The following SMCR8 variants were observed in gnomAD, a reference collection of about 807,000 sequenced individuals.
SMCR8 encodes the protein guanine nucleotide exchange protein SMCR8.
Under a neutral mutation model 56.6 loss-of-function variants are expected in SMCR8, and 30 were observed. The ratio of observed to expected loss-of-function variants is 0.53; its 90% confidence interval spans 0.40 to 0.72. The LOEUF (loss-of-function observed/expected upper bound fraction) is 0.72. Ranked by LOEUF, SMCR8 falls within the 30% of genes least tolerant of loss-of-function variation. SMCR8 has a pLI of 0.00. For missense variants in SMCR8, 1,198 were observed against 1,157.0 expected (o/e 1.04, Z -0.51); for synonymous variants, 538 against 456.0 (o/e 1.18, Z -2.29).
rs552475472 is a variant in SMCR8, at chr17:18,324,263, G to T, written c.*1193G>T. 6.6e-6 allele frequency: 1 copy of T among 152,160 alleles called. No individual in the cohort carries two copies. Among genetic ancestry groups the T allele is most frequent in the Non-Finnish European group, 1.5e-5 (1 of 68,056 alleles). The allele number at this position is 152,160 out of a possible 1,614,324, so 9.4% of individuals were successfully genotyped here. ...GTGCACCTCAGTCACCACAGCTCAC[G>T]GCCGTCCCCAGTTGAGTCCCCCTTC... On this transcript the variant is annotated 3_prime_UTR_variant, in exon 2 of 2. Coordinates refer to ENST00000406438, the MANE Select transcript of SMCR8 (RefSeq NM_144775.3).
At chr17:18,318,527 C>T (rs901384542) in intron 1 of SMCR8, among the ~76,000 whole-genome samples, 2 of 152,152 alleles carry the variant, frequency 1.3e-5, no homozygotes, top group African/African-American at 4.8e-5. Flanking sequence ...CCTCACTGTC[C>T]TGAGTAGCTG....
In SMCR8 at chr17:18,318,464, C is replaced by T. The variant is rs1299593970; in HGVS notation, c.2360+315C>T. The stretch of plus-strand genomic sequence containing the variant: ...TGTACCCCAGGCTGGAGTGCAATGG[C>T]GCGATCTTGGCTCACTGCAATCTCC... On this transcript the variant is annotated intron_variant, in intron 1 of 1. Coordinates refer to ENST00000406438, the MANE Select transcript of SMCR8 (RefSeq NM_144775.3). 3.3e-5 allele frequency among the ~76,000 whole-genome samples: 5 copies of T among 152,118 alleles called. No individual in the cohort carries two copies. The East Asian group carries it at 7.7e-4, about 23-fold the overall frequency.
Position 18,316,862 on chromosome 17 carries a change from A to T in SMCR8, c.1073A>T (p.Asp358Val), listed in dbSNP as rs540727387. Residue 358 changes from aspartate (D) to valine (V), a missense_variant, in exon 1 of 2, where the codon GAT (aspartate) becomes GTT (valine). Coordinates refer to ENST00000406438, the MANE Select transcript of SMCR8 (RefSeq NM_144775.3). ...DLCYLLTSQIDRALLKQQHIT... is the reference protein window; with the variant it reads ...DLCYLLTSQIVRALLKQQHIT... The stretch of plus-strand genomic sequence containing the variant: ...TGTTACCTCCTGACCAGTCAGATTG[A>T]TAGAGCACTTCTAAAACAACAGCAT... The T allele has an allele frequency of 1.5e-5, 24 of 1,614,224 alleles. No homozygotes were observed. In the African/African-American group the frequency reaches 1.9e-4, roughly 13 times the overall value.
intron 1 of SMCR8, among the ~76,000 whole-genome samples, chr17:18,320,397 G>C (rs1982463233): frequency 6.6e-6 from 1 of 152,222 alleles, no homozygotes; most frequent in African/African-American, 2.4e-5. Flanking sequence ...TCCAAAAGAA[G>C]TGCCACCATT....
rs755464792 is a variant in SMCR8 at position 18,316,050 on chromosome 17, C to T, written c.261C>T (p.Leu87=). 6.2e-7 allele frequency: 1 copy of T among 1,614,138 alleles called. No homozygotes were observed. The change falls in exon 1 of 2, where the codon CTC becomes CTT. Residue 87 remains leucine (L), a synonymous_variant. Transcript: ENST00000406438. ...CCAAAGTTTTTGGCACTTTTGATCTCAATTACTTCTCCCTGCGTATCATGT... is the reference window on the plus strand; with the variant it reads ...CCAAAGTTTTTGGCACTTTTGATCTTAATTACTTCTCCCTGCGTATCATGT... ...NDTKVFGTFD[L]NYFSLRIMSV...
Position 18,315,712 on chromosome 17 carries a change from A to G in SMCR8, c.-78A>G. ...GTAAGGGCTTCACTTCCTTCTCCGG[A>G]GGCCTGCCTTCTGCGCGTCGATTAA... On this transcript the variant is annotated 5_prime_UTR_variant, in exon 1 of 2. Transcript: ENST00000406438. The G allele has an allele frequency of 7.3e-7, 1 of 1,368,086 alleles. No homozygotes were observed. The highest frequency in any genetic ancestry group is 1.4e-5 in the South Asian group (1 of 71,574). 84.7% of individuals were successfully genotyped at this position (1,368,086 alleles called of 1,614,324 possible).
rs1982554031 is a variant in SMCR8, at chr17:18,323,126, G to T, written c.*56G>T. ...GTGACTCAGGGTATGGGGAGGGGAG[G>T]GGTTGGCATGACCAAACAGTTGCCT... On this transcript the variant is annotated 3_prime_UTR_variant, in exon 2 of 2. Coordinates refer to ENST00000406438, the MANE Select transcript of SMCR8 (RefSeq NM_144775.3). 4 of 1,490,884 alleles carry T rather than the reference G, an allele frequency of 2.7e-6. No homozygotes were observed. The East Asian group carries it at 9.1e-5, about 34-fold the overall frequency. The allele number at this position is 1,490,884 out of a possible 1,614,324, so 92.4% of individuals were successfully genotyped here.
chr17:18,315,389 A>T lies in SMCR8; in HGVS notation c.-401A>T. ...CTGCCCTCGGGCAGTGAGGGGCAGC[A>T]GCGCTTGGCTGACCCCTGCGGCGTC... On this transcript the variant is annotated 5_prime_UTR_variant, in exon 1 of 2. Transcript: ENST00000406438. 4.8e-5 allele frequency: 8 copies of T among 165,960 alleles called. No individual in the cohort carries two copies. Among genetic ancestry groups the T allele is most frequent in the Non-Finnish European group, 1.1e-4 (8 of 75,852 alleles). 10.3% of individuals were successfully genotyped at this position (165,960 alleles called of 1,614,324 possible). A position where few individuals can be genotyped will look rare whatever the true frequency, so the allele number is the denominator to read the frequency against.
At chr17:18,318,279 C>G in intron 1 of SMCR8, 130 bp downstream of exon 1, 1 of 862,342 alleles carries the variant, frequency 1.2e-6, no homozygotes, top group Non-Finnish European at 1.8e-6. Flanking sequence ...TTACTTTTGG[C>G]AAGTCATCCC....
Position 18,322,988 on chromosome 17 carries a change from T to C in SMCR8, c.2732T>C (p.Leu911Pro), listed in dbSNP as rs1002476580. ...CAGTACCTGGCTGAGCTGCTGAAGC[T>C]GCACTACATGCAGGAATCTCCAGGG... is the stretch of plus-strand genomic sequence containing the variant. ...VVQYLAELLKLHYMQESPGTS... is the reference protein window; with the variant it reads ...VVQYLAELLKPHYMQESPGTS... Residue 911 changes from leucine (L) to proline (P), a missense_variant, in exon 2 of 2, where the codon CTG (leucine) becomes CCG (proline). Transcript: ENST00000406438. The C allele has an allele frequency of 6.2e-7, 1 of 1,614,256 alleles. No individual in the cohort carries two copies. The highest frequency in any genetic ancestry group is 1.7e-5 in the Admixed American group (1 of 60,034).
Position 18,323,121 on chromosome 17 carries a change from G to T in SMCR8, c.*51G>T. 2 of 1,520,284 alleles carry T rather than the reference G, an allele frequency of 1.3e-6. No homozygotes were observed. Among genetic ancestry groups the T allele is most frequent in the Non-Finnish European group, 1.8e-6 (2 of 1,111,930 alleles). 94.2% of individuals were successfully genotyped at this position (1,520,284 alleles called of 1,614,324 possible). On this transcript the variant is annotated 3_prime_UTR_variant, in exon 2 of 2. Transcript: ENST00000406438. ...GACCTGTGACTCAGGGTATGGGGAG[G>T]GGAGGGGTTGGCATGACCAAACAGT...
Position 18,315,921 on chromosome 17 carries a change from CT to C in SMCR8, c.133del (p.Trp45GlyfsTer29). 6.2e-7 allele frequency: 1 copy of C among 1,614,198 alleles called. No individual in the cohort carries two copies. Among genetic ancestry groups the C allele is most frequent in the Non-Finnish European group, 8.5e-7 (1 of 1,180,048 alleles). ...CCTTCGCCAGTCAGGGTGCTAACCC[CT>C]GGTCAAAACTGTCCGGGGCCAAGTT... ...FPFASQGANPWSKLSGAKFSR... is the reference protein window; with the variant it reads ...FPFASQGANPXSKLSGAKFSR... On this transcript the variant is annotated frameshift_variant, in exon 1 of 2. Transcript: ENST00000406438. LOFTEE classifies it high-confidence loss of function.
At position 18,317,817 on chromosome 17, in the gene SMCR8, C is replaced by T. The variant is rs1486311129; in HGVS notation, c.2028C>T (p.Ser676=). The part of the protein sequence containing the change: ...TSLDNYSDTT[S]YVSSVASTSS... Reference sequence around the variant, plus strand: ...TGGACAACTACTCAGACACCACCAGCTACGTGAGCAGTGTAGCGTCCACCA... The same window carrying T: ...TGGACAACTACTCAGACACCACCAGTTACGTGAGCAGTGTAGCGTCCACCA... The change falls in exon 1 of 2, where the codon AGC becomes AGT. Residue 676 remains serine (S), a synonymous_variant. Transcript: ENST00000406438. 1.2e-6 allele frequency: 2 copies of T among 1,614,058 alleles called. No homozygotes were observed. Among genetic ancestry groups the T allele is most frequent in the Non-Finnish European group, 1.7e-6 (2 of 1,180,008 alleles).
At position 18,316,127 on chromosome 17, in the gene SMCR8, C is replaced by A. The variant is rs753150911; in HGVS notation, c.338C>A (p.Pro113His). Residue 113 changes from proline (P) to histidine (H), a missense_variant, in exon 1 of 2, where the codon CCC (proline) becomes CAC (histidine). Pro to His is a moderately conservative substitution (Grantham distance 77). Transcript: ENST00000406438. ...FVGHPPGSAYPKLNFVEDSKV... is the reference protein window; with the variant it reads ...FVGHPPGSAYHKLNFVEDSKV... ...GGCCATCCTCCTGGATCTGCCTACC[C>A]CAAGCTGAACTTCGTGGAGGACTCC... 2 of 1,614,106 alleles carry A rather than the reference C, an allele frequency of 1.2e-6. No individual in the cohort carries two copies. Among genetic ancestry groups the A allele is most frequent in the Admixed American group, 1.7e-5 (1 of 60,012 alleles).
Position 18,322,088 on chromosome 17 carries a change from T to C in SMCR8, c.2361-529T>C, listed in dbSNP as rs562940489. ...GTGCAGTGGCACGATTTTGGCTCAC[T>C]GCAAGCTCTGCCTCCTGGGTTCACA... On this transcript the variant is annotated intron_variant, in intron 1 of 1. Coordinates refer to ENST00000406438, the MANE Select transcript of SMCR8 (RefSeq NM_144775.3). Among the ~76,000 whole-genome samples, 103 of 152,334 alleles carry C rather than the reference T, an allele frequency of 6.8e-4. 2 individuals are homozygous for C. Among genetic ancestry groups the C allele is most frequent in the Middle Eastern group, 3.4e-3 (1 of 294 alleles).
At position 18,325,123 on chromosome 17, in the gene SMCR8, A is replaced by T. The variant is rs1472184625; in HGVS notation, c.*2053A>T. The T allele has an allele frequency of 2.0e-5, 3 of 152,208 alleles. No individual in the cohort carries two copies. The highest frequency in any genetic ancestry group is 7.2e-5 in the African/African-American group (3 of 41,444). 9.4% of individuals were successfully genotyped at this position (152,208 alleles called of 1,614,324 possible). ...GCAACATTTTATCTGAGAAGGAAGGAAGGTCAGAAAGTGATCACTGGCACC... is the reference window on the plus strand; with the variant it reads ...GCAACATTTTATCTGAGAAGGAAGGTAGGTCAGAAAGTGATCACTGGCACC... On this transcript the variant is annotated 3_prime_UTR_variant, in exon 2 of 2. Coordinates refer to ENST00000406438, the MANE Select transcript of SMCR8 (RefSeq NM_144775.3).
In SMCR8 at chr17:18,318,126, G is replaced by A. The variant is rs767339260; in HGVS notation, c.2337G>A (p.Lys779=). The A allele has an allele frequency of 2.5e-6, 4 of 1,612,652 alleles. No homozygotes were observed. In the East Asian group the frequency reaches 8.9e-5, roughly 36 times the overall value. ...SSPLHIMDFQ[K]WKLIGLQRVA... ...CTTTGCACATTATGGATTTTCAGAA[G>A]TGGAAGCTTATTGGCTTGCAGAGGT... The change falls in exon 1 of 2, where the codon AAG becomes AAA. Residue 779 remains lysine, a synonymous_variant. Coordinates refer to ENST00000406438, the MANE Select transcript of SMCR8 (RefSeq NM_144775.3).
Position 18,315,698 on chromosome 17 carries a change from A to G in SMCR8, c.-92A>G. ...TCGCAAAGAAGGCCGTAAGGGCTTC[A>G]CTTCCTTCTCCGGAGGCCTGCCTTC... On this transcript the variant is annotated 5_prime_UTR_variant, in exon 1 of 2. Coordinates refer to ENST00000406438, the MANE Select transcript of SMCR8 (RefSeq NM_144775.3). The G allele has an allele frequency of 2.0e-5, 24 of 1,229,342 alleles. No individual in the cohort carries two copies. Among genetic ancestry groups the G allele is most frequent in the Non-Finnish European group, 2.6e-5 (23 of 881,510 alleles). The allele number at this position is 1,229,342 out of a possible 1,614,324, so 76.2% of individuals were successfully genotyped here.
chr17:18,317,585 C>T lies in SMCR8; in HGVS notation c.1796C>T (p.Ser599Phe), dbSNP rs555908905. ...AGCGATGGTCAGTTGGTGCTGCCCT[C>T]CACTCCAGCCCACACACACTCTGAC... is the stretch of plus-strand genomic sequence containing the variant. ...KESDGQLVLP[S>F]TPAHTHSDED... Residue 599 changes from serine to phenylalanine, a missense_variant, in exon 1 of 2, where the codon TCC (serine) becomes TTC (phenylalanine). Physicochemically the swap from Ser to Phe is radical, Grantham distance 155. Transcript: ENST00000406438. 1 of 1,614,192 alleles carries T rather than the reference C, an allele frequency of 6.2e-7. No individual in the cohort carries two copies. Among genetic ancestry groups the T allele is most frequent in the Admixed American group, 1.7e-5 (1 of 60,030 alleles).
Sources: allele counts gnomAD v4.1 joint callset (sites outside exome capture counted in the v4.1 genomes callset), GRCh38; gene constraint gnomAD v4.1.1; transcripts MANE v1.5; gene names NCBI Gene and HGNC (gene_info 2026-07-23, HGNC 2026-07-21).